The following CYB5B variants were observed in gnomAD, a reference collection of about 807,000 sequenced individuals.
The protein encoded by CYB5B is cytochrome b5 type B.
In CYB5B, 14 loss-of-function variants were observed where a neutral mutation model predicts 21.3. That is an observed-to-expected ratio of 0.66 (90% CI 0.43 to 1.03). The LOEUF (loss-of-function observed/expected upper bound fraction) is 1.03. Ranked by LOEUF, CYB5B falls within the 50% of genes least tolerant of loss-of-function variation. The pLI, the probability that CYB5B is intolerant of heterozygous loss-of-function variation, is 0.00. For missense variants in CYB5B, 166 were observed against 185.1 expected (o/e 0.90, Z 0.60); for synonymous variants, 69 against 68.4 (o/e 1.01, Z -0.04).
intron 1 of CYB5B, among the ~76,000 whole-genome samples, chr16:69,444,623 G>A (rs246138): frequency 0.85 from 129,519 of 151,994 alleles, 55,574 homozygotes; most frequent in African/African-American, 0.95. Context: ...TTATTAAACC[G>A]TAGAATTTTG....
At chr16:69,455,566 C>T (rs1030398585) in intron 3 of CYB5B, among the ~76,000 whole-genome samples, 37 of 151,788 alleles carry the variant, frequency 2.4e-4, no homozygotes, top group African/African-American at 8.7e-4. Context: ...CACTGCCATG[C>T]CCAGCTAATT....
chr16:69,450,503 G>A (rs1200387545), intron 3 of CYB5B, among the ~76,000 whole-genome samples: 1 of 152,144 alleles, frequency 6.6e-6, no homozygotes, highest in East Asian at 1.9e-4. Flanking sequence ...GGCAAGAAAG[G>A]CCTTTTGGAA....
intron 1 of CYB5B, among the ~76,000 whole-genome samples, chr16:69,434,183 C>A (rs951448602): frequency 1.3e-5 from 2 of 152,090 alleles, no homozygotes; most frequent in African/African-American, 4.8e-5. Flanking sequence ...CTGTGAGATT[C>A]ATCTATTTTT....
intron 1 of CYB5B, among the ~76,000 whole-genome samples, chr16:69,437,781 C>T (rs2014776498): frequency 6.6e-6 from 1 of 152,130 alleles, no homozygotes; most frequent in African/African-American, 2.4e-5. Flanking sequence ...ATTCCTCTCC[C>T]CAAACTCAAG....
intron 1 of CYB5B, among the ~76,000 whole-genome samples, chr16:69,427,993 CAAA>C (rs71151104): frequency 1.3e-4 from 13 of 100,970 alleles, no homozygotes; most frequent in Admixed American, 4.4e-4. Context: ...GACTCTGTCT[CAAA>C]AAAAAAAAAA....
chr16:69,450,905 C>A (rs1487288552), intron 3 of CYB5B, among the ~76,000 whole-genome samples: 1 of 152,150 alleles, frequency 6.6e-6, no homozygotes. Flanking sequence ...AAGAAACACT[C>A]AAAATGTTGC....
intron 1 of CYB5B, among the ~76,000 whole-genome samples, chr16:69,428,427 A>G (rs2014671057): frequency 6.6e-6 from 1 of 152,200 alleles, no homozygotes; most frequent in Non-Finnish European, 1.5e-5. Flanking sequence ...TGGGAGGCCG[A>G]GGCGGATGGA....
chr16:69,438,117 A>G (rs1205694206), intron 1 of CYB5B, among the ~76,000 whole-genome samples: 1 of 151,950 alleles, frequency 6.6e-6, no homozygotes, highest in African/African-American at 2.4e-5. Context: ...TTTTGTTTTT[A>G]TCAATTTGAC....
chr16:69,425,109 G>T (rs899034569), intron 1 of CYB5B, among the ~76,000 whole-genome samples: 1 of 152,170 alleles, frequency 6.6e-6, no homozygotes, highest in Admixed American at 6.5e-5. Flanking sequence ...TTTGCTGTGT[G>T]CTCAGCTAAA....
chr16:69,425,946 T>C (rs779053538), intron 1 of CYB5B, among the ~76,000 whole-genome samples: 9 of 152,184 alleles, frequency 5.9e-5, no homozygotes, highest in African/African-American at 1.2e-4. Context: ...AAAAGAGAAA[T>C]CTCTGCATCC....
At chr16:69,448,585 A>AT (rs1039557053) in intron 3 of CYB5B, 1 of 162,992 alleles carries the variant, frequency 6.1e-6, no homozygotes, top group African/African-American at 2.4e-5. Context: ...TATTTTCCAA[A>AT]TTTAATTCTT....
At chr16:69,430,053 A>G (rs879037159) in intron 1 of CYB5B, among the ~76,000 whole-genome samples, 4 of 152,208 alleles carry the variant, frequency 2.6e-5, no homozygotes, top group Admixed American at 6.5e-5. Flanking sequence ...TGTTGAAATC[A>G]TGAATGAAAG....
chr16:69,447,027 C>T (rs773369827), intron 1 of CYB5B, 123 bp from the exon 2 acceptor site: 31 of 1,201,668 alleles, frequency 2.6e-5, no homozygotes, highest in Non-Finnish European at 3.5e-5. Flanking sequence ...TCAGGCACCA[C>T]ACAATGTCAA....
intron 3 of CYB5B, among the ~76,000 whole-genome samples, chr16:69,453,113 A>T (rs1376794687): frequency 2.0e-5 from 3 of 152,200 alleles, no homozygotes; most frequent in Admixed American, 2.0e-4. Context: ...TTTAAAACAA[A>T]TAAAATTGTC....
intron 1 of CYB5B, among the ~76,000 whole-genome samples, chr16:69,442,958 A>T (rs1042586196): frequency 2.0e-5 from 3 of 148,842 alleles, no homozygotes; most frequent in African/African-American, 7.4e-5. Flanking sequence ...TTTTTTAAAA[A>T]TTTTTTTTGT....
rs562834952 is a variant in CYB5B, at chr16:69,456,956, A to C, written c.334-2137A>C. 4.6e-5 allele frequency among the ~76,000 whole-genome samples: 7 copies of C among 152,302 alleles called. No homozygotes were observed. In the East Asian group the frequency reaches 1.2e-3, roughly 25 times the overall value. The stretch of plus-strand genomic sequence containing the variant: ...GTATTTGATTAAAAGTGGGGTCACT[A>C]TGGTTTGCATCTACTTGGCTATCAG... On this transcript the variant is annotated intron_variant, in intron 3 of 4. Coordinates refer to ENST00000307892, the MANE Select transcript of CYB5B (RefSeq NM_030579.3).
chr16:69,437,497 C>T (rs947280578), intron 1 of CYB5B, among the ~76,000 whole-genome samples: 1 of 152,008 alleles, frequency 6.6e-6, no homozygotes, highest in Admixed American at 6.6e-5. Context: ...TGAGCATAAC[C>T]CCCCCAATAC....
chr16:69,433,493 G>T (rs980333606), intron 1 of CYB5B, among the ~76,000 whole-genome samples: 16 of 147,852 alleles, frequency 1.1e-4, no homozygotes, highest in African/African-American at 3.7e-4. Context: ...ACTTAACTGT[G>T]TATCTCAGGG....
At chr16:69,429,100 C>T (rs186204930) in intron 1 of CYB5B, among the ~76,000 whole-genome samples, 1 of 152,282 alleles carries the variant, frequency 6.6e-6, no homozygotes, top group East Asian at 1.9e-4. Context: ...TTGTGAAAGA[C>T]TGAAGGAAGA....
Sources: allele counts gnomAD v4.1 joint callset (sites outside exome capture counted in the v4.1 genomes callset), GRCh38; gene constraint gnomAD v4.1.1; transcripts MANE v1.5; gene names NCBI Gene and HGNC (gene_info 2026-07-23, HGNC 2026-07-21).